Variants in SPAG1 observed in about 807,000 individuals in gnomAD.
SPAG1 encodes the protein sperm-associated antigen 1.
A neutral mutation model predicts 100.5 loss-of-function variants in SPAG1; 69 were observed. The observed-to-expected ratio is 0.69, with a 90% CI of 0.57 to 0.84. The LOEUF is 0.84. Among genes scored for constraint, SPAG1 ranks in the 40% least tolerant of loss-of-function variants. The probability of loss-of-function intolerance (pLI) is 0.00; values close to 1 mark genes in which losing one functional copy is unlikely to be tolerated. For synonymous variants in SPAG1, 336 were observed against 411.6 expected, an observed-to-expected ratio of 0.82 and a Z score of 2.22; for missense variants, 955 against 1,133.1, an observed-to-expected ratio of 0.84 and a Z score of 2.26.
chr8:100,231,981 G>A (rs1348755770), intron 15 of SPAG1, among the ~76,000 whole-genome samples: 2 of 143,222 alleles, frequency 1.4e-5, no homozygotes, highest in Non-Finnish European at 3.0e-5. Context: ...AAAAAATACT[G>A]TCTTAGGGAG....
chr8:100,214,883 A>G (rs906671238), intron 12 of SPAG1, among the ~76,000 whole-genome samples: 1 of 151,130 alleles, frequency 6.6e-6, no homozygotes, highest in Non-Finnish European at 1.5e-5. Flanking sequence ...GGGAGGCTGA[A>G]GCAGGAAAAT....
At chr8:100,196,691 G>A (rs947086004) in intron 10 of SPAG1, among the ~76,000 whole-genome samples, 6 of 151,932 alleles carry the variant, frequency 3.9e-5, no homozygotes, top group African/African-American at 1.5e-4. Flanking sequence ...TTTTGTAGAA[G>A]TACAATTTAT....
chr8:100,229,801 G>T (rs1012874658), intron 14 of SPAG1, among the ~76,000 whole-genome samples: 1 of 152,196 alleles, frequency 6.6e-6, no homozygotes, highest in African/African-American at 2.4e-5. Context: ...AACTTATAAT[G>T]CCTCAAGTAA....
chr8:100,162,900 G>A (rs1048965904), intron 2 of SPAG1, among the ~76,000 whole-genome samples: 2 of 152,108 alleles, frequency 1.3e-5, no homozygotes, highest in Non-Finnish European at 2.9e-5. Context: ...GGAGGCTATA[G>A]TGATCCCTGG....
At chr8:100,189,485 C>A (rs1171410348) in intron 8 of SPAG1, among the ~76,000 whole-genome samples, 1 of 150,666 alleles carries the variant, frequency 6.6e-6, no homozygotes, top group Non-Finnish European at 1.5e-5. Flanking sequence ...TCAAAAAAAA[C>A]CATAATAAAT....
intron 15 of SPAG1, among the ~76,000 whole-genome samples, chr8:100,232,921 A>C (rs1311174665): frequency 1.3e-5 from 2 of 152,014 alleles, no homozygotes; most frequent in African/African-American, 2.4e-5. Context: ...ATTCTCTTCC[A>C]CTGTAGGTGC....
chr8:100,183,306 T>C, intron 4 of SPAG1, 69 bp from the exon 5 acceptor site: 1 of 744,364 alleles, frequency 1.3e-6, no homozygotes, highest in Non-Finnish European at 2.3e-6. Context: ...TACTTTCCAT[T>C]GCATTTACAG....
intron 16 of SPAG1, among the ~76,000 whole-genome samples, chr8:100,236,185 G>T (rs1039180179): frequency 6.6e-6 from 1 of 152,130 alleles, no homozygotes; most frequent in African/African-American, 2.4e-5. Flanking sequence ...ATTATATTAT[G>T]ATGCAGAAAA....
chr8:100,220,423 T>C lies in SPAG1; in HGVS notation c.1680T>C (p.Ser560=). ...GTGGACTCCAGCTAGCAAATGACAGTGTTAACAGGTAATTAATCTGAGGCA... is the reference window on the plus strand; with the variant it reads ...GTGGACTCCAGCTAGCAAATGACAGCGTTAACAGGTAATTAATCTGAGGCA... ...IDCGLQLAND[S]VNRLSRILME... is the part of the protein sequence containing the mutation. Residue 560 remains serine, a synonymous_variant, in exon 13 of 19, where the codon AGT becomes AGC. Coordinates refer to ENST00000388798, the MANE Select transcript of SPAG1 (RefSeq NM_003114.5). 1 of 1,608,952 alleles carries C rather than the reference T, an allele frequency of 6.2e-7. No homozygotes were observed.
At chr8:100,233,203 T>C in intron 15 of SPAG1, 1 of 501,850 alleles carries the variant, frequency 2.0e-6, no homozygotes, top group East Asian at 3.7e-5. Flanking sequence ...TTCCACTTGA[T>C]TGCATCCTCC....
intron 12 of SPAG1, among the ~76,000 whole-genome samples, chr8:100,218,447 G>A (rs1402923494): frequency 6.6e-6 from 1 of 152,174 alleles, no homozygotes; most frequent in Non-Finnish European, 1.5e-5. Flanking sequence ...GTAGTCACAT[G>A]GTTGTGACTC....
At position 100,239,347 on chromosome 8, in the gene SPAG1, G is replaced by T. The variant is rs145594616; in HGVS notation, c.2223G>T (p.Lys741Asn). The T allele has an allele frequency of 1.9e-6, 3 of 1,601,192 alleles. No homozygotes were observed. In the African/African-American group the frequency reaches 4.0e-5, roughly 22 times the overall value. The change falls in exon 17 of 19, where the codon AAG (lysine) becomes AAT (asparagine). Residue 741 changes from lysine (K) to asparagine (N), a missense_variant. Physicochemically the swap from Lys to Asn is moderately conservative, Grantham distance 94. Transcript: ENST00000388798. The surrounding 1 kb of genome is among the most constrained non-coding windows in gnomAD (Gnocchi z 5.0). Reference protein sequence around the residue: ...LEEVTRLLNLKDKTAPFNKEK... With the variant: ...LEEVTRLLNLNDKTAPFNKEK... ...AGGTAACTAGACTCCTTAATCTTAA[G>T]GATAAGACAGCACCATTCAACAAAG...
intron 13 of SPAG1, among the ~76,000 whole-genome samples, chr8:100,221,941 C>T (rs1818300991): frequency 6.6e-6 from 1 of 152,226 alleles, no homozygotes; most frequent in Non-Finnish European, 1.5e-5. Flanking sequence ...CCTGTCTGAT[C>T]CCAGCCTGCC....
chr8:100,240,857 G>GTTTTTTTTT, intron 18 of SPAG1, 34 bp from the exon 19 acceptor site: 1 of 1,508,552 alleles, frequency 6.6e-7, no homozygotes, highest in Non-Finnish European at 8.9e-7. Context: ...AACATAGTTG[G>GTTTTTTTTT]TTTTTTGTTT....
Position 100,162,344 on chromosome 8 carries a change from A to T in SPAG1, c.64A>T (p.Ile22Phe), listed in dbSNP as rs1357568717. 3.1e-6 allele frequency: 5 copies of T among 1,602,008 alleles called. No homozygotes were observed. Among genetic ancestry groups the T allele is most frequent in the East Asian group, 2.2e-5 (1 of 44,782 alleles). ...AACAACAAAAACATTCAAAATTCCC[A>T]TTGAACATCTAGATTTCAAATACAT... ...FGTTKTFKIP[I>F]EHLDFKYIEK... The change falls in exon 2 of 19, where the codon ATT becomes TTT. Residue 22 changes from isoleucine (I) to phenylalanine (F), a missense_variant. Coordinates refer to ENST00000388798, the MANE Select transcript of SPAG1 (RefSeq NM_003114.5).
chr8:100,185,069 C>G (rs1163707745), intron 7 of SPAG1: 1 of 221,372 alleles, frequency 4.5e-6, no homozygotes, highest in African/African-American at 2.4e-5. Flanking sequence ...ACTTCTAGTA[C>G]TTTGGTGCTC....
chr8:100,223,358 G>A (rs555739890), intron 13 of SPAG1, among the ~76,000 whole-genome samples: 1 of 152,120 alleles, frequency 6.6e-6, no homozygotes, highest in African/African-American at 2.4e-5. Context: ...TATGTACTCA[G>A]GAAGGTTCAT....
At chr8:100,199,391 A>G (rs1207470525) in intron 10 of SPAG1, among the ~76,000 whole-genome samples, 2 of 152,136 alleles carry the variant, frequency 1.3e-5, no homozygotes, top group Admixed American at 6.5e-5. Flanking sequence ...TTCAATCCCT[A>G]TGGGCTATTT....
intron 10 of SPAG1, among the ~76,000 whole-genome samples, chr8:100,206,017 CAAAA>C (rs574907013): frequency 1.3e-5 from 1 of 77,346 alleles, no homozygotes; most frequent in Non-Finnish European, 2.5e-5. Flanking sequence ...GACTCTGTCT[CAAAA>C]AAAAAAAAAA....
Sources: gnomAD v4.1 joint callset for allele counts (sites outside exome capture counted in the v4.1 genomes callset) on GRCh38, gnomAD v4.1.1 for gene constraint, Gnocchi (gnomAD v3.1) non-coding constraint, MANE v1.5 for transcripts, NCBI Gene and HGNC (gene_info 2026-07-23, HGNC 2026-07-21) for gene names.